Variants in AP1S3 observed in about 807,000 individuals in gnomAD.
The protein encoded by AP1S3 is AP-1 complex subunit sigma-3.
Under a neutral mutation model 20.9 loss-of-function variants are expected in AP1S3, and 10 were observed. The ratio of observed to expected loss-of-function variants is 0.48; its 90% CI spans 0.29 to 0.81. AP1S3 has a LOEUF of 0.81. Ranked by LOEUF, AP1S3 falls within the 30% of genes least tolerant of loss-of-function variation. The pLI is 0.08. For missense variants in AP1S3, 154 were observed against 183.8 expected (o/e 0.84, Z 0.94); for synonymous variants, 41 against 61.5 (o/e 0.67, Z 1.56).
At chr2:223,820,921 C>T (rs1279546757) in intron 1 of AP1S3, among the ~76,000 whole-genome samples, 1 of 152,174 alleles carries the variant, frequency 6.6e-6, no homozygotes, top group Non-Finnish European at 1.5e-5. Flanking sequence ...CCTCCTTCCC[C>T]ATCATGCCTG....
At chr2:223,780,353 A>AGG (rs1559280869) in intron 1 of AP1S3, among the ~76,000 whole-genome samples, 1 of 58,576 alleles carries the variant, frequency 1.7e-5, no homozygotes, top group Non-Finnish European at 2.8e-5. Flanking sequence ...AGAGAGAGAG[A>AGG]GAGAGTGTGT....
intron 1 of AP1S3, among the ~76,000 whole-genome samples, chr2:223,787,455 T>C (rs867548144): frequency 2.0e-5 from 3 of 152,240 alleles, no homozygotes; most frequent in Middle Eastern, 3.4e-3. Context: ...GTTAAGAAGG[T>C]TGACAGAAAT....
At chr2:223,780,532 T>G (rs1690919748) in intron 1 of AP1S3, among the ~76,000 whole-genome samples, 2 of 151,298 alleles carry the variant, frequency 1.3e-5, no homozygotes, top group South Asian at 4.2e-4. Context: ...CTCAAGTGAT[T>G]CCCCCCACCT....
In AP1S3 at chr2:223,787,179, C is replaced by G. The variant is rs112543655; in HGVS notation, c.4-9310G>C. 5.0e-3 allele frequency among the ~76,000 whole-genome samples: 761 copies of G among 152,282 alleles called. 10 individuals are homozygous for G. Among genetic ancestry groups the G allele is most frequent in the African/African-American group, 0.017 (709 of 41,556 alleles). On this transcript the variant is annotated intron_variant, in intron 1 of 4. Transcript: ENST00000396654. ...TTCAGCCATGTGAGGTACTGCTTCC[C>G]CTTCGCCTTCAACCATGATTGTAAG... is the stretch of plus-strand genomic sequence containing the variant.
chr2:223,828,058 TAAAAAAAAAAAAAA>T (rs527671959), intron 1 of AP1S3, among the ~76,000 whole-genome samples: 11 of 94,664 alleles, frequency 1.2e-4, no homozygotes, highest in South Asian at 3.3e-4. Flanking sequence ...AGACTTCATC[TAAAAAAAAAAAAAA>T]AAAAAAAAAA....
intron 1 of AP1S3, among the ~76,000 whole-genome samples, chr2:223,808,412 T>C (rs1367136343): frequency 6.6e-6 from 1 of 152,190 alleles, no homozygotes; most frequent in Non-Finnish European, 1.5e-5. Flanking sequence ...AATCCAATGC[T>C]ACATGTTAGG....
At chr2:223,794,454 T>C (rs1691288747) in intron 1 of AP1S3, among the ~76,000 whole-genome samples, 1 of 152,168 alleles carries the variant, frequency 6.6e-6, no homozygotes, top group Non-Finnish European at 1.5e-5. Flanking sequence ...AGGGTTTTAT[T>C]GGGTATCAGA....
chr2:223,832,191 G>C (rs1389320374), intron 1 of AP1S3, among the ~76,000 whole-genome samples: 1 of 148,030 alleles, frequency 6.8e-6, no homozygotes, highest in Non-Finnish European at 1.5e-5. Flanking sequence ...GTGTTGGAAA[G>C]GGGAGTAATT....
chr2:223,757,991 AATAAAT>A lies in AP1S3; in HGVS notation c.*718_*723del, dbSNP rs1376262617. ...GTATCTCTAGGTCTCTATAAACCTT[AATAAAT>A]ATATAGTTCATAGAAAACCTTATTG... On this transcript the variant is annotated 3_prime_UTR_variant, in exon 5 of 5. Transcript: ENST00000396654. 1 of 967,436 alleles carries A rather than the reference AATAAAT, an allele frequency of 1.0e-6. No homozygotes were observed. The highest frequency in any genetic ancestry group is 1.1e-4 in the East Asian group (1 of 8,742). The allele number at this position is 967,436 out of a possible 1,614,324, so 59.9% of individuals were successfully genotyped here.
At chr2:223,806,481 T>C (rs559766314) in intron 1 of AP1S3, among the ~76,000 whole-genome samples, 4 of 152,078 alleles carry the variant, frequency 2.6e-5, no homozygotes, top group South Asian at 2.1e-4. Context: ...AGACAGGGTT[T>C]CACCATGTTA....
intron 4 of AP1S3, among the ~76,000 whole-genome samples, chr2:223,761,302 T>C (rs144832215): frequency 2.8e-4 from 42 of 152,348 alleles, no homozygotes; most frequent in African/African-American, 9.9e-4. Flanking sequence ...GCATTGTGGT[T>C]TGGCCTAGCT....
intron 1 of AP1S3, among the ~76,000 whole-genome samples, chr2:223,812,671 T>C (rs1285966386): frequency 2.0e-5 from 3 of 152,162 alleles, no homozygotes. Flanking sequence ...TTATGAAGAA[T>C]AAAATGTAAA....
chr2:223,763,221 A>T (rs1021360010), intron 4 of AP1S3, among the ~76,000 whole-genome samples: 3 of 152,328 alleles, frequency 2.0e-5, no homozygotes, highest in East Asian at 1.9e-4. Flanking sequence ...AGACCTACCC[A>T]TCAAGCCCCT....
At chr2:223,821,452 G>A (rs1354568883) in intron 1 of AP1S3, among the ~76,000 whole-genome samples, 3 of 152,198 alleles carry the variant, frequency 2.0e-5, no homozygotes, top group Non-Finnish European at 4.4e-5. Flanking sequence ...ACCACACCCA[G>A]CCAGTTTTGT....
At chr2:223,831,353 C>A (rs1421204013) in intron 1 of AP1S3, among the ~76,000 whole-genome samples, 3 of 152,128 alleles carry the variant, frequency 2.0e-5, no homozygotes, top group Non-Finnish European at 4.4e-5. Flanking sequence ...GGGCTGGTCT[C>A]GAACTTCCAG....
At position 223,825,378 on chromosome 2, in the gene AP1S3, T is replaced by C. The variant is rs118007195; in HGVS notation, c.3+12070A>G. On this transcript the variant is annotated intron_variant, in intron 1 of 4. Coordinates refer to ENST00000396654, the MANE Select transcript of AP1S3 (RefSeq NM_001039569.2). ...TCACCCAGTTCTCCTCCAGCACTTC[T>C]ATTTCCTTAATAATTATTCCCTTTC... Among the ~76,000 whole-genome samples, 287 of 152,066 alleles carry C rather than the reference T, an allele frequency of 1.9e-3. 9 individuals are homozygous for C. In the East Asian group the frequency reaches 0.052, roughly 28 times the overall value.
Position 223,756,826 on chromosome 2 carries a change from C to A in AP1S3, c.*1889G>T, listed in dbSNP as rs1309006453. On this transcript the variant is annotated 3_prime_UTR_variant, in exon 5 of 5. Coordinates refer to ENST00000396654, the MANE Select transcript of AP1S3 (RefSeq NM_001039569.2). ...TCTAAAAATCTACCAGATGGGATCT[C>A]CTAAAGAATCCAACAGGAAACACAC... The A allele has an allele frequency of 5.1e-6, 5 of 985,128 alleles. No individual in the cohort carries two copies. The highest frequency in any genetic ancestry group is 6.0e-6 in the Non-Finnish European group (5 of 829,932). 61.0% of individuals were successfully genotyped at this position (985,128 alleles called of 1,614,324 possible).
chr2:223,777,995 C>T, intron 1 of AP1S3, 126 bp from the exon 2 acceptor site: 2 of 837,726 alleles, frequency 2.4e-6, no homozygotes, highest in East Asian at 2.9e-5. Context: ...AAAATTCTTA[C>T]CAGCATGAAA....
At chr2:223,826,542 G>C (rs1692132921) in intron 1 of AP1S3, among the ~76,000 whole-genome samples, 1 of 152,198 alleles carries the variant, frequency 6.6e-6, no homozygotes, top group South Asian at 2.1e-4. Context: ...GCAGTGAGCA[G>C]AGATTGCACC....
Sources: gnomAD v4.1 joint callset for allele counts (sites outside exome capture counted in the v4.1 genomes callset) on GRCh38, gnomAD v4.1.1 for gene constraint, MANE v1.5 for transcripts, NCBI Gene and HGNC (gene_info 2026-07-23, HGNC 2026-07-21) for gene names.